The following PRRX1 variants were observed in gnomAD, a reference collection of about 807,000 sequenced individuals.
PRRX1 encodes paired mesoderm homeobox protein 1.
PRRX1 carries 8 observed loss-of-function variants against 24.0 expected under a neutral mutation model. The ratio of observed to expected loss-of-function variants is 0.33; its 90% CI spans 0.20 to 0.60. The LOEUF (loss-of-function observed/expected upper bound fraction) is 0.60. Among genes scored for constraint, PRRX1 ranks in the 20% least tolerant of loss-of-function variants. The pLI is 0.82. For missense variants in PRRX1, 281 were observed against 322.4 expected, an observed-to-expected ratio of 0.87 and a Z score of 0.98; for synonymous variants, 160 against 131.7, an observed-to-expected ratio of 1.22 and a Z score of -1.47.
chr1:170,724,441 A>C (rs753890766), intron 2 of PRRX1, among the ~76,000 whole-genome samples: 17 of 152,258 alleles, frequency 1.1e-4, no homozygotes, highest in Non-Finnish European at 1.9e-4. Context: ...TTTTTAATTT[A>C]TCTTGAGTTA....
chr1:170,667,386 T>C (rs1043188838), intron 1 of PRRX1: 1 of 152,170 alleles, frequency 6.6e-6, no homozygotes. Flanking sequence ...TAACGAATAG[T>C]TTGTTGCTTT....
intron 1 of PRRX1, among the ~76,000 whole-genome samples, chr1:170,680,302 G>T (rs893504548): frequency 6.6e-6 from 1 of 152,182 alleles, no homozygotes; most frequent in Non-Finnish European, 1.5e-5. Context: ...AGCAGGATAA[G>T]TATGATTTTA....
chr1:170,712,835 C>T (rs1008228380), intron 1 of PRRX1, among the ~76,000 whole-genome samples: 1 of 152,162 alleles, frequency 6.6e-6, no homozygotes, highest in African/African-American at 2.4e-5. Context: ...TTCTACTCCA[C>T]TCCACTTCCA....
chr1:170,726,182 C>A, intron 2 of PRRX1, 38 bp from the exon 3 acceptor site: 1 of 1,586,482 alleles, frequency 6.3e-7, no homozygotes, highest in Admixed American at 1.7e-5. Context: ...TTTTTCCTCT[C>A]TTTCCTTATG....
intron 1 of PRRX1, among the ~76,000 whole-genome samples, chr1:170,690,509 C>A (rs1418761948): frequency 1.3e-5 from 2 of 152,162 alleles, no homozygotes; most frequent in East Asian, 1.9e-4. Flanking sequence ...ATGAGAAAGT[C>A]AGTTGGATCT....
At chr1:170,710,947 C>G (rs1463752092) in intron 1 of PRRX1, among the ~76,000 whole-genome samples, 2 of 152,142 alleles carry the variant, frequency 1.3e-5, no homozygotes, top group Non-Finnish European at 2.9e-5. Context: ...GCTGACTAAG[C>G]CAACAACCCA....
intron 3 of PRRX1, among the ~76,000 whole-genome samples, chr1:170,734,569 T>TAAG (rs1355188815): frequency 6.6e-6 from 1 of 152,138 alleles, no homozygotes; most frequent in Non-Finnish European, 1.5e-5. Context: ...AAATGATGAG[T>TAAG]AAGAGTTAAG....
chr1:170,666,200 C>A (rs995027251), intron 1 of PRRX1, among the ~76,000 whole-genome samples: 1 of 152,040 alleles, frequency 6.6e-6, no homozygotes, highest in South Asian at 2.1e-4. Context: ...GCGGGCAGAT[C>A]ACGAGGTCAG....
intron 1 of PRRX1, among the ~76,000 whole-genome samples, chr1:170,686,463 T>C (rs1653746650): frequency 6.6e-6 from 1 of 152,002 alleles, no homozygotes; most frequent in African/African-American, 2.4e-5. Context: ...AGTCTGAGAG[T>C]TGTGTAGAGC....
At chr1:170,678,196 T>C (rs1653386818) in intron 1 of PRRX1, among the ~76,000 whole-genome samples, 1 of 152,264 alleles carries the variant, frequency 6.6e-6, no homozygotes, top group African/African-American at 2.4e-5. Flanking sequence ...CCATTTGATA[T>C]GTGACCTGTT....
chr1:170,709,029 T>C (rs1654660193), intron 1 of PRRX1, among the ~76,000 whole-genome samples: 1 of 152,220 alleles, frequency 6.6e-6, no homozygotes, highest in Non-Finnish European at 1.5e-5. Flanking sequence ...ACCCAAAATA[T>C]GGAAGACTAA....
chr1:170,686,467 G>T (rs1030371956), intron 1 of PRRX1, among the ~76,000 whole-genome samples: 5 of 152,146 alleles, frequency 3.3e-5, no homozygotes, highest in South Asian at 2.1e-4. Flanking sequence ...TGAGAGTTGT[G>T]TAGAGCCTTG....
At chr1:170,725,272 G>A (rs553676739) in intron 2 of PRRX1, among the ~76,000 whole-genome samples, 36 of 152,056 alleles carry the variant, frequency 2.4e-4, no homozygotes, top group Non-Finnish European at 5.0e-4. Context: ...TCCTGCACAC[G>A]TATCCCAGAA....
upstream of PRRX1, chr1:170,664,023 G>C: frequency 3.4e-6 from 2 of 592,870 alleles, no homozygotes; most frequent in South Asian, 2.3e-5. Context: ...CTACAGAAGG[G>C]GGTCCCCCAC....
intron 3 of PRRX1, chr1:170,726,607 G>T (rs1024567901): frequency 8.6e-6 from 5 of 582,248 alleles, no homozygotes; most frequent in Non-Finnish European, 1.5e-5. Flanking sequence ...AGAGGGGCAG[G>T]CTATCTCACC....
intron 1 of PRRX1, among the ~76,000 whole-genome samples, chr1:170,675,860 G>A (rs1055343412): frequency 6.6e-6 from 1 of 152,124 alleles, no homozygotes; most frequent in African/African-American, 2.4e-5. Flanking sequence ...TGACATATAT[G>A]TTAATAATTA....
chr1:170,717,981 A>G (rs1344056802), intron 1 of PRRX1, among the ~76,000 whole-genome samples: 1 of 152,206 alleles, frequency 6.6e-6, no homozygotes, highest in Non-Finnish European at 1.5e-5. Context: ...ACTGAGTGTC[A>G]CAGAAGTGCC....
chr1:170,716,251 A>G (rs1255460939), intron 1 of PRRX1, among the ~76,000 whole-genome samples: 1 of 152,198 alleles, frequency 6.6e-6, no homozygotes, highest in African/African-American at 2.4e-5. Context: ...TAAAATCCAT[A>G]AACACTTTGG....
upstream of PRRX1, chr1:170,663,034 TTCTC>T (rs1390170975): frequency 2.0e-5 from 3 of 151,880 alleles, no homozygotes; most frequent in African/African-American, 7.3e-5. Context: ...CTCATTTCTC[TTCTC>T]TCTTTCTCTC....
Sources: gnomAD v4.1 joint callset for allele counts (sites outside exome capture counted in the v4.1 genomes callset) on GRCh38, gnomAD v4.1.1 for gene constraint, MANE v1.5 for transcripts, NCBI Gene and HGNC (gene_info 2026-07-23, HGNC 2026-07-21) for gene names.